Variants in RAB9A observed in about 807,000 individuals in gnomAD.
The protein encoded by RAB9A is RAB9A, member RAS oncogene family, also known as ras-related protein Rab-9A.
RAB9A carries 1 observed loss-of-function variant against 10.3 expected under a neutral mutation model. The observed-to-expected ratio is 0.10, with a 90% CI of 0.03 to 0.46. RAB9A has a LOEUF of 0.46. RAB9A is among the 20% of genes least tolerant of loss of function. The pLI, the probability that RAB9A is intolerant of heterozygous loss-of-function variation, is 0.96. For synonymous variants in RAB9A, 39 were observed against 55.2 expected, an observed-to-expected ratio of 0.71 and a Z score of 1.30; for missense variants, 92 against 150.3, an observed-to-expected ratio of 0.61 and a Z score of 2.03.
chrX:13,692,519 C>G (rs2046130510), intron 1 of RAB9A, among the ~76,000 whole-genome samples: 1 of 111,513 alleles, frequency 9.0e-6, no homozygotes, highest in African/African-American at 3.3e-5. Flanking sequence ...TAAATTTCAC[C>G]TCACCAGACA....
chrX:13,699,750 A>C (rs2046164928), intron 1 of RAB9A, among the ~76,000 whole-genome samples: 1 of 112,315 alleles, frequency 8.9e-6, no homozygotes, highest in South Asian at 3.7e-4. Flanking sequence ...TGCCAGTGAT[A>C]GGTGCGGGGA....
At chrX:13,694,611 A>T (rs1434329979) in intron 1 of RAB9A, among the ~76,000 whole-genome samples, 1 of 111,849 alleles carries the variant, frequency 8.9e-6, no homozygotes, top group African/African-American at 3.3e-5. Flanking sequence ...AATGTCAAGT[A>T]TCTATGTTTC....
At chrX:13,705,371 A>T (rs1490220886) in intron 2 of RAB9A, among the ~76,000 whole-genome samples, 2 of 111,912 alleles carry the variant, frequency 1.8e-5, no homozygotes, top group African/African-American at 6.5e-5. Flanking sequence ...TAGATGGGAA[A>T]TGTAAAAAAT....
intron 1 of RAB9A, among the ~76,000 whole-genome samples, chrX:13,701,944 C>T (rs770323918): frequency 9.0e-6 from 1 of 111,365 alleles, no homozygotes; most frequent in Admixed American, 9.5e-5. Context: ...TCCTCCCCAC[C>T]TCACCCACAG....
At chrX:13,700,173 C>G (rs1602697550) in intron 1 of RAB9A, among the ~76,000 whole-genome samples, 1 of 111,768 alleles carries the variant, frequency 8.9e-6, no homozygotes, top group East Asian at 2.8e-4. Flanking sequence ...GGTTCCTGAA[C>G]TCTTGGGCTC....
At chrX:13,702,461 T>C (rs2046178453) in intron 1 of RAB9A, among the ~76,000 whole-genome samples, 1 of 112,249 alleles carries the variant, frequency 8.9e-6, no homozygotes, top group African/African-American at 3.2e-5. Flanking sequence ...ATTAACACAG[T>C]GTAACACAGC....
chrX:13,703,194 C>T (rs1217925883), intron 1 of RAB9A, among the ~76,000 whole-genome samples: 1 of 112,531 alleles, frequency 8.9e-6, no homozygotes. Flanking sequence ...GAAACAGATG[C>T]ATAGGCAGCT....
At chrX:13,692,184 G>A (rs1349831842) in intron 1 of RAB9A, among the ~76,000 whole-genome samples, 1 of 110,740 alleles carries the variant, frequency 9.0e-6, no homozygotes, top group Non-Finnish European at 1.9e-5. Flanking sequence ...CAGTGTGGTG[G>A]TGCATGTCCC....
chrX:13,689,449 C>T lies in RAB9A; in HGVS notation c.-116+161C>T, dbSNP rs143599438. Among the ~76,000 whole-genome samples, 756 of 112,150 alleles carry T rather than the reference C, an allele frequency of 6.7e-3. 4 individuals carry two copies. Among genetic ancestry groups the T allele is most frequent in the Middle Eastern group, 0.014 (3 of 216 alleles). On this transcript the variant is annotated intron_variant, in intron 1 of 2. Transcript: ENST00000464506. ...GGGAGAGAGGACGGCTGGTTGTCTC[C>T]CTGCCTCCTCTCTGACGCAGGAGGA... is the stretch of plus-strand genomic sequence containing the variant.
At chrX:13,699,547 A>C (rs1394529989) in intron 1 of RAB9A, among the ~76,000 whole-genome samples, 1 of 112,436 alleles carries the variant, frequency 8.9e-6, no homozygotes, top group Admixed American at 9.4e-5. Flanking sequence ...GAGCATAAGT[A>C]AATGAGAGCT....
chrX:13,706,625 C>CT (rs1442142485), intron 2 of RAB9A, among the ~76,000 whole-genome samples: 1 of 108,293 alleles, frequency 9.2e-6, no homozygotes, highest in East Asian at 2.9e-4. Context: ...TCTCGAACTC[C>CT]TGACCTCAAG....
chrX:13,698,585 A>G (rs979526170), intron 1 of RAB9A, among the ~76,000 whole-genome samples: 1 of 111,240 alleles, frequency 9.0e-6, no homozygotes, highest in East Asian at 2.8e-4. Flanking sequence ...CACACTAAGT[A>G]TGGTATTTTC....
intron 1 of RAB9A, among the ~76,000 whole-genome samples, chrX:13,689,941 TAATA>T (rs374664241): frequency 1.8e-4 from 19 of 105,028 alleles, no homozygotes; most frequent in African/African-American, 6.4e-4. Context: ...GTGCTGAACT[TAATA>T]AATAGTTGGT....
At chrX:13,701,953 A>G (rs992646387) in intron 1 of RAB9A, among the ~76,000 whole-genome samples, 2 of 111,222 alleles carry the variant, frequency 1.8e-5, no homozygotes, top group Admixed American at 9.5e-5. Context: ...CCTCACCCAC[A>G]GCCCTTCTCC....
rs151047251 is a variant in RAB9A, at chrX:13,696,016, C to G, written c.-116+6728C>G. Among the ~76,000 whole-genome samples, 15 of 111,332 alleles carry G rather than the reference C, an allele frequency of 1.3e-4. No homozygotes were observed. In the East Asian group the frequency reaches 4.2e-3, roughly 31 times the overall value. On this transcript the variant is annotated intron_variant, in intron 1 of 2. Coordinates refer to ENST00000464506, the MANE Select transcript of RAB9A (RefSeq NM_004251.5). ...TAGAAGCAGTAATGGGTGGTAAGTC[C>G]TGGCTCAGACTTGAAGGTCTCCCCT...
At chrX:13,695,043 G>C (rs748683469) in intron 1 of RAB9A, among the ~76,000 whole-genome samples, 1 of 112,005 alleles carries the variant, frequency 8.9e-6, no homozygotes, top group Non-Finnish European at 1.9e-5. Context: ...ACAGGGATGT[G>C]GGTCATGGAA....
At chrX:13,695,741 C>T (rs2046144771) in intron 1 of RAB9A, among the ~76,000 whole-genome samples, 1 of 111,819 alleles carries the variant, frequency 8.9e-6, no homozygotes, top group African/African-American at 3.3e-5. Context: ...TCTTGTCTGG[C>T]TCAGACATGC....
rs1378257580 is a variant in RAB9A at position 13,709,556 on chromosome X, A to G, written c.*204A>G. 1.2e-5 allele frequency: 4 copies of G among 320,442 alleles called. No individual in the cohort carries two copies. The highest frequency in any genetic ancestry group is 2.2e-5 in the Non-Finnish European group (4 of 182,923). 26.4% of individuals were successfully genotyped at this position (320,442 alleles called of 1,213,427 possible). A position where few individuals can be genotyped will look rare whatever the true frequency, so the allele number is the denominator to read the frequency against. Reference sequence around the variant, plus strand: ...CTCAATAATGGCACCTTACATTTATAAATTGTAACAGTTGTCTAATAACGT... The same window carrying G: ...CTCAATAATGGCACCTTACATTTATGAATTGTAACAGTTGTCTAATAACGT... On this transcript the variant is annotated 3_prime_UTR_variant, in exon 3 of 3. Transcript: ENST00000464506.
At chrX:13,690,355 C>T (rs372901046) in intron 1 of RAB9A, among the ~76,000 whole-genome samples, 3 of 112,278 alleles carry the variant, frequency 2.7e-5, no homozygotes, top group African/African-American at 9.7e-5. Context: ...AAATCTAAGA[C>T]AATGCTGTGG....
Sources: gnomAD v4.1 joint callset for allele counts (sites outside exome capture counted in the v4.1 genomes callset) on GRCh38, gnomAD v4.1.1 for gene constraint, MANE v1.5 for transcripts, NCBI Gene and HGNC (gene_info 2026-07-23, HGNC 2026-07-21) for gene names.